Variants in GRB2 observed in about 807,000 individuals in gnomAD.
GRB2 encodes the protein growth factor receptor bound protein 2.
GRB2 carries 2 observed loss-of-function variants against 27.4 expected under a neutral mutation model. That is an observed-to-expected ratio of 0.07 (90% CI 0.03 to 0.23). The LOEUF (loss-of-function observed/expected upper bound fraction) is 0.23, where lower values mean the gene tolerates loss of function less well. Ranked by LOEUF, GRB2 falls within the 10% of genes least tolerant of loss-of-function variation. The pLI is 1.00. For missense variants in GRB2, 102 were observed against 282.4 expected (o/e 0.36, Z 4.58); for synonymous variants, 94 against 99.6 (o/e 0.94, Z 0.33).
chr17:75,353,747 A>C (rs1202915352), intron 2 of GRB2, among the ~76,000 whole-genome samples: 4 of 148,780 alleles, frequency 2.7e-5, no homozygotes, highest in Non-Finnish European at 4.5e-5. Flanking sequence ...GCAACAACAA[A>C]AAAAATTCTG....
chr17:75,360,236 A>AT (rs2078770866), intron 2 of GRB2, among the ~76,000 whole-genome samples: 1 of 145,262 alleles, frequency 6.9e-6, no homozygotes, highest in Non-Finnish European at 1.5e-5. Context: ...CAAATGCATC[A>AT]ATAACTTAAA....
At chr17:75,356,358 ATTAG>A (rs997531374) in intron 2 of GRB2, among the ~76,000 whole-genome samples, 3 of 151,764 alleles carry the variant, frequency 2.0e-5, no homozygotes, top group African/African-American at 7.3e-5. Flanking sequence ...TTCTCTAAAA[ATTAG>A]TTAGGTGTGG....
intron 2 of GRB2, among the ~76,000 whole-genome samples, chr17:75,364,294 A>C (rs1213157698): frequency 6.6e-6 from 1 of 152,216 alleles, no homozygotes; most frequent in Non-Finnish European, 1.5e-5. Context: ...CTATGTAGAC[A>C]CTCAACATGT....
At chr17:75,324,681 G>A (rs1161331860) in intron 4 of GRB2, among the ~76,000 whole-genome samples, 1 of 151,286 alleles carries the variant, frequency 6.6e-6, no homozygotes, top group Non-Finnish European at 1.5e-5. Context: ...CTATGCCTGG[G>A]TTATTTTCTA....
At chr17:75,349,944 T>C (rs1369545071) in intron 2 of GRB2, among the ~76,000 whole-genome samples, 1 of 151,916 alleles carries the variant, frequency 6.6e-6, no homozygotes, top group Non-Finnish European at 1.5e-5. Context: ...AAAAGGTATA[T>C]GGCTTTATGA....
chr17:75,326,300 G>A (rs982433344), intron 3 of GRB2: 17 of 427,488 alleles, frequency 4.0e-5, no homozygotes, highest in African/African-American at 3.4e-4. Flanking sequence ...GGGCCCCCCA[G>A]GCCAAAGCCC....
At chr17:75,357,718 C>T (rs1311533589) in intron 2 of GRB2, among the ~76,000 whole-genome samples, 3 of 152,106 alleles carry the variant, frequency 2.0e-5, no homozygotes, top group Non-Finnish European at 2.9e-5. Context: ...GTCACAAGTT[C>T]GAGACCAGCG....
chr17:75,340,954 C>G (rs2078616563), intron 2 of GRB2, among the ~76,000 whole-genome samples: 2 of 152,112 alleles, frequency 1.3e-5, no homozygotes, highest in Non-Finnish European at 2.9e-5. Context: ...CACCCAGGAA[C>G]ACAGAGAGAA....
chr17:75,376,318 C>G (rs2078893229), intron 2 of GRB2, among the ~76,000 whole-genome samples: 2 of 127,034 alleles, frequency 1.6e-5, no homozygotes, highest in South Asian at 5.3e-4. Context: ...GCACTCCAGC[C>G]TGGGTGACAG....
chr17:75,381,814 T>C (rs752819958), intron 2 of GRB2, among the ~76,000 whole-genome samples: 9 of 152,184 alleles, frequency 5.9e-5, no homozygotes, highest in Non-Finnish European at 1.3e-4. Flanking sequence ...TACCCCTTTC[T>C]TGTTCTCAGT....
At chr17:75,334,682 G>C (rs1320963002) in intron 2 of GRB2, among the ~76,000 whole-genome samples, 4 of 152,122 alleles carry the variant, frequency 2.6e-5, no homozygotes, top group African/African-American at 9.7e-5. Context: ...GCTCAAACCT[G>C]TAATCCTGGC....
intron 2 of GRB2, among the ~76,000 whole-genome samples, chr17:75,369,021 C>T (rs1326779634): frequency 1.3e-5 from 2 of 152,108 alleles, no homozygotes; most frequent in Non-Finnish European, 2.9e-5. Context: ...GAAATTGTGA[C>T]ACAAAGAAGT....
At chr17:75,329,125 C>A (rs1431694855) in intron 3 of GRB2, among the ~76,000 whole-genome samples, 2 of 151,896 alleles carry the variant, frequency 1.3e-5, no homozygotes, top group Non-Finnish European at 2.9e-5. Flanking sequence ...CACATGGCCT[C>A]GGCTGGCTCT....
intron 3 of GRB2, among the ~76,000 whole-genome samples, chr17:75,328,795 A>G (rs4789169): frequency 0.6 from 90,601 of 151,364 alleles, 31,604 homozygotes; most frequent in East Asian, 0.87. Flanking sequence ...AAAATTAGCC[A>G]GGCGTGGTGG....
At chr17:75,336,455 A>G (rs1056077599) in intron 2 of GRB2, among the ~76,000 whole-genome samples, 7 of 152,162 alleles carry the variant, frequency 4.6e-5, no homozygotes, top group Non-Finnish European at 1.0e-4. Context: ...AGAAAGGGAC[A>G]CTTTTGATTT....
chr17:75,374,709 C>A (rs2078881008), intron 2 of GRB2, among the ~76,000 whole-genome samples: 1 of 151,898 alleles, frequency 6.6e-6, no homozygotes. Flanking sequence ...ATCGCTGGAG[C>A]CCAGGAGATT....
At chr17:75,345,369 C>T (rs997403062) in intron 2 of GRB2, among the ~76,000 whole-genome samples, 2 of 152,044 alleles carry the variant, frequency 1.3e-5, no homozygotes, top group Non-Finnish European at 2.9e-5. Context: ...TTTAATTCCA[C>T]GTAAGACTAT....
chr17:75,326,845 CCTCA>C (rs565168286), intron 3 of GRB2, among the ~76,000 whole-genome samples: 67 of 152,254 alleles, frequency 4.4e-4, no homozygotes, highest in Non-Finnish European at 8.8e-4. Flanking sequence ...AGTCAAGCTG[CCTCA>C]CTATTTCAAA....
At chr17:75,382,384 T>C (rs1157559218) in intron 2 of GRB2, among the ~76,000 whole-genome samples, 1 of 152,230 alleles carries the variant, frequency 6.6e-6, no homozygotes, top group Non-Finnish European at 1.5e-5. Flanking sequence ...TAATACAGGT[T>C]GTATATCCCT....
Sources: allele counts gnomAD v4.1 joint callset (sites outside exome capture counted in the v4.1 genomes callset), GRCh38; gene constraint gnomAD v4.1.1; transcripts MANE v1.5; gene names NCBI Gene and HGNC (gene_info 2026-07-23, HGNC 2026-07-21).